The following SOS1 variants were observed in gnomAD, a reference collection of about 807,000 sequenced individuals.
SOS1 encodes SOS Ras/Rac guanine nucleotide exchange factor 1.
Under a neutral mutation model 157.6 loss-of-function variants are expected in SOS1, and 25 were observed. The observed-to-expected ratio is 0.16, with a 90% CI of 0.12 to 0.22. SOS1 has a LOEUF of 0.22. Ranked by LOEUF, SOS1 falls within the 10% of genes least tolerant of loss-of-function variation. The pLI is 1.00. For missense variants in SOS1, 1,237 were observed against 1,599.1 expected, an observed-to-expected ratio of 0.77 and a Z score of 3.86; for synonymous variants, 528 against 534.0, an observed-to-expected ratio of 0.99 and a Z score of 0.16.
At chr2:39,050,941 A>G (rs543388297) in intron 6 of SOS1, among the ~76,000 whole-genome samples, 1 of 152,268 alleles carries the variant, frequency 6.6e-6, no homozygotes, top group Admixed American at 6.5e-5. Context: ...CTGTCTTTCT[A>G]TAATTAACAA....
At chr2:39,089,012 C>A (rs1156575839) in intron 1 of SOS1, among the ~76,000 whole-genome samples, 1 of 152,148 alleles carries the variant, frequency 6.6e-6, no homozygotes, top group Non-Finnish European at 1.5e-5. Flanking sequence ...ATAATAGCCA[C>A]CCTAATTGGT....
At chr2:39,041,783 T>G (rs1670580611) in intron 6 of SOS1, among the ~76,000 whole-genome samples, 1 of 152,234 alleles carries the variant, frequency 6.6e-6, no homozygotes, top group Non-Finnish European at 1.5e-5. Flanking sequence ...TCTCTTCCTT[T>G]CTGGTTTACT....
chr2:39,081,996 G>C (rs1441366183), intron 1 of SOS1, among the ~76,000 whole-genome samples: 1 of 152,128 alleles, frequency 6.6e-6, no homozygotes, highest in African/African-American at 2.4e-5. Context: ...ATGCATAATA[G>C]TTATGTCATG....
At chr2:39,051,052 A>C (rs1196167715) in intron 6 of SOS1, 92 bp downstream of exon 6, 1 of 1,152,596 alleles carries the variant, frequency 8.7e-7, no homozygotes, top group Non-Finnish European at 1.3e-6. Flanking sequence ...ATTAGTATCT[A>C]TGACTTTAGC....
At chr2:39,116,537 G>A (rs539236760) in intron 1 of SOS1, among the ~76,000 whole-genome samples, 1 of 152,300 alleles carries the variant, frequency 6.6e-6, no homozygotes, top group South Asian at 2.1e-4. Context: ...TATGGCCAAA[G>A]TGAATTTTCT....
chr2:39,019,742 A>T (rs564713023), intron 10 of SOS1, among the ~76,000 whole-genome samples: 16 of 151,840 alleles, frequency 1.1e-4, no homozygotes, highest in African/African-American at 9.6e-5. Context: ...GTAAAAAAAT[A>T]AAAATAATAA....
intron 10 of SOS1, among the ~76,000 whole-genome samples, chr2:39,018,483 T>G (rs1272798056): frequency 6.6e-6 from 1 of 151,752 alleles, no homozygotes; most frequent in African/African-American, 2.4e-5. Flanking sequence ...GCTGTAGTTA[T>G]TTTTTTCTGC....
intron 1 of SOS1, among the ~76,000 whole-genome samples, chr2:39,102,049 T>C (rs1012516929): frequency 6.7e-6 from 1 of 149,312 alleles, no homozygotes; most frequent in Non-Finnish European, 1.5e-5. Flanking sequence ...CTACTAAAAA[T>C]GCAAAAATTA....
intron 8 of SOS1, 67 bp from the exon 9 acceptor site, chr2:39,024,204 T>A: frequency 7.9e-7 from 1 of 1,270,220 alleles, no homozygotes; most frequent in East Asian, 2.3e-5. Flanking sequence ...ATAAACTCAT[T>A]TAAGGATAAA....
intron 1 of SOS1, among the ~76,000 whole-genome samples, chr2:39,074,275 G>A (rs867477069): frequency 1.3e-5 from 2 of 151,766 alleles, no homozygotes; most frequent in Admixed American, 6.6e-5. Context: ...GCTTGAACCC[G>A]GGAGGCAGAG....
chr2:39,041,185 G>C (rs1670556571), intron 6 of SOS1, among the ~76,000 whole-genome samples: 1 of 151,968 alleles, frequency 6.6e-6, no homozygotes, highest in South Asian at 2.1e-4. Flanking sequence ...CAGCCCCCGA[G>C]TAGCTGAGAC....
intron 8 of SOS1, among the ~76,000 whole-genome samples, chr2:39,029,632 A>G (rs1670087771): frequency 6.6e-6 from 1 of 152,046 alleles, no homozygotes. Context: ...TCAAAAACAA[A>G]ACAAAACAAA....
intron 18 of SOS1, 33 bp from the exon 19 acceptor site, chr2:38,997,071 T>A (rs1365916260): frequency 8.5e-7 from 1 of 1,177,394 alleles, no homozygotes; most frequent in African/African-American, 1.5e-5. Context: ...ATTATTAATA[T>A]TCAAAATTAT....
At chr2:39,066,284 T>A (rs1296189899) in intron 2 of SOS1, among the ~76,000 whole-genome samples, 1 of 152,188 alleles carries the variant, frequency 6.6e-6, no homozygotes, top group Non-Finnish European at 1.5e-5. Context: ...TATACATCCA[T>A]GAGGAAACAC....
At chr2:39,027,831 T>A (rs1002660707) in intron 8 of SOS1, among the ~76,000 whole-genome samples, 8 of 130,596 alleles carry the variant, frequency 6.1e-5, no homozygotes, top group African/African-American at 2.1e-4. Context: ...CATATTATTA[T>A]TTTTTTTTTT....
intron 1 of SOS1, among the ~76,000 whole-genome samples, chr2:39,103,706 G>T (rs941811162): frequency 6.6e-6 from 1 of 151,994 alleles, no homozygotes; most frequent in African/African-American, 2.4e-5. Flanking sequence ...AAAACATAGG[G>T]GCAAATCCTC....
intron 5 of SOS1, among the ~76,000 whole-genome samples, chr2:39,052,781 G>A (rs1353896330): frequency 6.6e-6 from 1 of 152,162 alleles, no homozygotes; most frequent in East Asian, 1.9e-4. Flanking sequence ...GCATGGACAT[G>A]TTTTCATTTC....
At chr2:39,033,302 A>C (rs907214337) in intron 8 of SOS1, among the ~76,000 whole-genome samples, 1 of 152,028 alleles carries the variant, frequency 6.6e-6, no homozygotes, top group Non-Finnish European at 1.5e-5. Flanking sequence ...TAACTTTGCA[A>C]TATAACTTAG....
chr2:39,040,434 A>C (rs745379253), intron 6 of SOS1, among the ~76,000 whole-genome samples: 1 of 152,144 alleles, frequency 6.6e-6, no homozygotes, highest in Non-Finnish European at 1.5e-5. Flanking sequence ...CCAGATCTGA[A>C]CTATTCTATC....
Sources: gnomAD v4.1 joint callset for allele counts (sites outside exome capture counted in the v4.1 genomes callset) on GRCh38, gnomAD v4.1.1 for gene constraint, MANE v1.5 for transcripts, NCBI Gene and HGNC (gene_info 2026-07-23, HGNC 2026-07-21) for gene names.